The following STK35 variants were observed in gnomAD, a reference collection of about 807,000 sequenced individuals.
The protein encoded by STK35 is serine/threonine-protein kinase 35.
In STK35, 17 loss-of-function variants were observed where a neutral mutation model predicts 37.3. That is an observed-to-expected ratio of 0.46 (90% CI 0.31 to 0.68). The LOEUF is 0.68. Ranked by LOEUF, STK35 falls within the 30% of genes least tolerant of loss-of-function variation. The pLI, the probability that STK35 is intolerant of heterozygous loss-of-function variation, is 0.05. For missense variants in STK35, 595 were observed against 746.7 expected (o/e 0.80, Z 2.37); for synonymous variants, 385 against 319.1 (o/e 1.21, Z -2.20).
At chr20:2,142,523 A>C (rs1295238965) in intron 3 of STK35, among the ~76,000 whole-genome samples, 1 of 152,192 alleles carries the variant, frequency 6.6e-6, no homozygotes, top group Non-Finnish European at 1.5e-5. Context: ...AGATGGGCCA[A>C]GGTAGGTGGA....
chr20:2,125,251 C>G (rs1013562757), intron 3 of STK35, among the ~76,000 whole-genome samples: 2 of 152,190 alleles, frequency 1.3e-5, no homozygotes, highest in African/African-American at 4.8e-5. Context: ...ACACTCCCAC[C>G]AACAGCTACT....
Position 2,103,011 on chromosome 20 carries a change from G to A in STK35, c.538G>A (p.Ala180Thr). 1.4e-6 allele frequency: 2 copies of A among 1,427,494 alleles called. No individual in the cohort carries two copies. Among genetic ancestry groups the A allele is most frequent in the Non-Finnish European group, 1.8e-6 (2 of 1,101,784 alleles). 88.4% of individuals were successfully genotyped at this position (1,427,494 alleles called of 1,614,324 possible). ...ARAMDPVAAE[A>T]PGEAFLARRR... ...GGCCATGGATCCGGTGGCGGCCGAG[G>A]CCCCGGGCGAGGCCTTCCTGGCGCG... The change falls in exon 2 of 4, where the codon GCC becomes ACC. Residue 180 changes from alanine (A) to threonine (T), a missense_variant. By Grantham distance (58) the Ala-to-Thr change is moderately conservative (BLOSUM62 0). Transcript: ENST00000381482.
intron 2 of STK35, among the ~76,000 whole-genome samples, chr20:2,114,374 T>G (rs1405874872): frequency 6.6e-6 from 1 of 151,756 alleles, no homozygotes; most frequent in Non-Finnish European, 1.5e-5. Flanking sequence ...AGCACAGGAG[T>G]TGGAGGCTAC....
intron 2 of STK35, among the ~76,000 whole-genome samples, chr20:2,109,323 C>T (rs1414719676): frequency 2.0e-5 from 3 of 152,224 alleles, no homozygotes; most frequent in Non-Finnish European, 4.4e-5. Context: ...GAGAGAGATA[C>T]TTGAGCCCGG....
intron 3 of STK35, among the ~76,000 whole-genome samples, chr20:2,139,633 C>T (rs550223266): frequency 1.3e-4 from 20 of 152,194 alleles, no homozygotes; most frequent in South Asian, 4.2e-4. Flanking sequence ...ACGAGGGGGA[C>T]GATAACCCCT....
At chr20:2,106,801 A>C (rs1250265630) in intron 2 of STK35, among the ~76,000 whole-genome samples, 2 of 152,226 alleles carry the variant, frequency 1.3e-5, no homozygotes, top group African/African-American at 4.8e-5. Flanking sequence ...GCACAGACCA[A>C]ACACGTCCTA....
intron 2 of STK35, among the ~76,000 whole-genome samples, chr20:2,109,950 T>C (rs986996581): frequency 6.6e-5 from 10 of 152,246 alleles, no homozygotes; most frequent in African/African-American, 2.2e-4. Context: ...TTGTCCTCTT[T>C]TGGACACTGT....
intron 3 of STK35, among the ~76,000 whole-genome samples, chr20:2,120,703 T>C (rs1227604018): frequency 6.6e-6 from 1 of 152,234 alleles, no homozygotes; most frequent in Non-Finnish European, 1.5e-5. Flanking sequence ...TTGGAAACTC[T>C]TTCCAAGTAC....
intron 2 of STK35, among the ~76,000 whole-genome samples, chr20:2,110,079 T>C (rs1391158001): frequency 6.6e-6 from 1 of 152,244 alleles, no homozygotes; most frequent in African/African-American, 2.4e-5. Flanking sequence ...ACAAAATCAT[T>C]GAGAATGGGA....
intron 3 of STK35, among the ~76,000 whole-genome samples, chr20:2,130,802 G>A (rs529982994): frequency 3.9e-4 from 60 of 152,232 alleles, no homozygotes; most frequent in African/African-American, 1.3e-3. Context: ...GCTGAGGGGC[G>A]GCCCTCCAAC....
At chr20:2,140,145 C>T (rs1986150035) in intron 3 of STK35, among the ~76,000 whole-genome samples, 1 of 152,212 alleles carries the variant, frequency 6.6e-6, no homozygotes, top group Admixed American at 6.5e-5. Flanking sequence ...CATGGAAGGG[C>T]ACTACAGATG....
rs552319031 is a variant in STK35 at position 2,111,689 on chromosome 20, A to G, written c.893-4977A>G. Among the ~76,000 whole-genome samples, 4 of 152,304 alleles carry G rather than the reference A, an allele frequency of 2.6e-5. No individual in the cohort carries two copies. The South Asian group carries it at 8.3e-4, about 32-fold the overall frequency. ...ACTCTGGCCTGGGCAACAGAGCTAG[A>G]CCGTTTCAAAATAAGTAAATAAATA... On this transcript the variant is annotated intron_variant, in intron 2 of 3. Transcript: ENST00000381482.
At chr20:2,124,861 AT>A (rs200606614) in intron 3 of STK35, among the ~76,000 whole-genome samples, 16 of 151,772 alleles carry the variant, frequency 1.1e-4, no homozygotes, top group Non-Finnish European at 1.5e-5. Context: ...CTGGTATTTT[AT>A]TTTTTTTGTA....
rs182426581 is a variant in STK35, at chr20:2,142,731, T to C, written c.*38-1053T>C. ...GTGATCAAGGCACTGTACTCCAGCC[T>C]GGGTGACAGAGCAAGACCCTGTCTC... On this transcript the variant is annotated intron_variant, in intron 3 of 3. Transcript: ENST00000381482. Among the ~76,000 whole-genome samples, 570 of 152,344 alleles carry C rather than the reference T, an allele frequency of 3.7e-3. 1 individual carries two copies. Among genetic ancestry groups the C allele is most frequent in the Non-Finnish European group, 5.6e-3 (384 of 68,038 alleles).
rs557897707 is a variant in STK35, at chr20:2,145,553, A to G, written c.*1807A>G. On this transcript the variant is annotated 3_prime_UTR_variant, in exon 4 of 4. Transcript: ENST00000381482. ...CCTTCTGTCACCCCCCTCAACACCA[A>G]ACTTTCTTCCTTGTGAGCAGAAGGT... 5.9e-5 allele frequency: 9 copies of G among 151,996 alleles called. No individual in the cohort carries two copies. The highest frequency in any genetic ancestry group is 1.2e-4 in the Non-Finnish European group (8 of 68,008). The allele number at this position is 151,996 out of a possible 1,614,324, so 9.4% of individuals were successfully genotyped here.
In STK35 at chr20:2,117,477, T is replaced by C; in HGVS notation, c.*37+62T>C. ...TTGAGACAGGGTCTCACTCTGTTGGTCAGGCTGGGGTGCAGCGGGTGCAGT... is the reference window on the plus strand; with the variant it reads ...TTGAGACAGGGTCTCACTCTGTTGGCCAGGCTGGGGTGCAGCGGGTGCAGT... On this transcript the variant is annotated intron_variant, in intron 3 of 3. Transcript: ENST00000381482. This position sits in a 1 kb window ranked among gnomAD's most constrained non-coding sequence, Gnocchi z 4.4. 1.0e-6 allele frequency: 1 copy of C among 987,900 alleles called. No individual in the cohort carries two copies. The highest frequency in any genetic ancestry group is 2.7e-5 in the Admixed American group (1 of 37,620). The allele number at this position is 987,900 out of a possible 1,614,324, so 61.2% of individuals were successfully genotyped here.
At chr20:2,137,610 T>G (rs1445078715) in intron 3 of STK35, among the ~76,000 whole-genome samples, 1 of 152,198 alleles carries the variant, frequency 6.6e-6, no homozygotes, top group Non-Finnish European at 1.5e-5. Context: ...GTTATCCCAT[T>G]TGTCAGTACT....
At chr20:2,116,153 T>C (rs1238716541) in intron 2 of STK35, among the ~76,000 whole-genome samples, 6 of 152,012 alleles carry the variant, frequency 3.9e-5, no homozygotes, top group Admixed American at 3.3e-4. Flanking sequence ...GCCTCTGAAA[T>C]AAACCAAGGA....
At chr20:2,120,002 C>G in intron 3 of STK35, among the ~76,000 whole-genome samples, 1 of 152,202 alleles carries the variant, frequency 6.6e-6, no homozygotes, top group East Asian at 1.9e-4. Context: ...GGTAGGAGAA[C>G]AGCAGTCCCC....
Sources: allele counts gnomAD v4.1 joint callset (sites outside exome capture counted in the v4.1 genomes callset), GRCh38; gene constraint gnomAD v4.1.1; non-coding constraint Gnocchi (gnomAD v3.1); transcripts MANE v1.5; gene names NCBI Gene and HGNC (gene_info 2026-07-23, HGNC 2026-07-21).